Variants in DNAH14 observed in about 807,000 individuals in gnomAD.
DNAH14 encodes dynein axonemal heavy chain 14, also known as axonemal beta dynein heavy chain 14.
DNAH14 carries 478 observed loss-of-function variants against 520.9 expected under a neutral mutation model. That is an observed-to-expected ratio of 0.92 (90% CI 0.85 to 0.99). DNAH14 has a LOEUF of 0.99. Ranked by LOEUF, DNAH14 falls within the 50% of genes least tolerant of loss-of-function variation. The pLI is 0.00. For synonymous variants in DNAH14, 1,581 were observed against 1,757.2 expected (o/e 0.90, Z 2.51); for missense variants, 4,831 against 5,234.5 (o/e 0.92, Z 2.38).
Position 225,381,407 on chromosome 1 carries a change from T to A in DNAH14, c.12905T>A (p.Val4302Asp), listed in dbSNP as rs1308172611. Residue 4302 changes from valine (V) to aspartate (D), a missense_variant, in exon 81 of 86, where the codon GTC (valine) becomes GAC (aspartate). Val to Asp is a radical substitution (Grantham distance 152, BLOSUM62 -3). Transcript: ENST00000682510. ...GATCACGACCCCCTTATCCATTGTGTCTTGCTAACCTTTTTGAAGCAAGAA... is the reference window on the plus strand; with the variant it reads ...GATCACGACCCCCTTATCCATTGTGACTTGCTAACCTTTTTGAAGCAAGAA... ...LKDHDPLIHCVLLTFLKQEIK... is the reference protein window; with the variant it reads ...LKDHDPLIHCDLLTFLKQEIK... The A allele has an allele frequency of 3.9e-6, 6 of 1,549,530 alleles. No homozygotes were observed. Among genetic ancestry groups the A allele is most frequent in the Non-Finnish European group, 5.2e-6 (6 of 1,146,688 alleles).
chr1:225,134,390 G>A (rs973974512), intron 27 of DNAH14, among the ~76,000 whole-genome samples: 4 of 151,942 alleles, frequency 2.6e-5, no homozygotes, highest in African/African-American at 9.7e-5. Flanking sequence ...ATTATTTTGA[G>A]GAATGTTCCT....
At chr1:225,335,215 GTA>G (rs1237054283) in intron 66 of DNAH14, among the ~76,000 whole-genome samples, 1 of 138,286 alleles carries the variant, frequency 7.2e-6, no homozygotes, top group East Asian at 2.2e-4. Flanking sequence ...GTACATGTGT[GTA>G]TATATGCACA....
intron 23 of DNAH14, among the ~76,000 whole-genome samples, chr1:225,108,615 A>G (rs2076268605): frequency 6.6e-6 from 1 of 152,114 alleles, no homozygotes; most frequent in Non-Finnish European, 1.5e-5. Context: ...ATAGTTATTA[A>G]TCCCTTGTCA....
intron 40 of DNAH14, among the ~76,000 whole-genome samples, chr1:225,206,394 T>G (rs2087559067): frequency 1.3e-5 from 2 of 152,182 alleles, no homozygotes. Flanking sequence ...TCTTAGTAAT[T>G]GGAGTGTCAG....
intron 31 of DNAH14, 42 bp from the exon 32 acceptor site, chr1:225,151,963 A>T: frequency 1.4e-6 from 2 of 1,473,596 alleles, no homozygotes; most frequent in Non-Finnish European, 1.9e-6. Context: ...GCTTTGGACT[A>T]GAGAAAACAG....
intron 8 of DNAH14, among the ~76,000 whole-genome samples, chr1:224,992,286 T>G (rs957104504): frequency 6.6e-6 from 1 of 152,180 alleles, no homozygotes; most frequent in African/African-American, 2.4e-5. Context: ...ACATTAGTAT[T>G]TTGATGGCAA....
At chr1:225,203,081 C>T (rs2087073840) in intron 38 of DNAH14, among the ~76,000 whole-genome samples, 1 of 152,130 alleles carries the variant, frequency 6.6e-6, no homozygotes, top group African/African-American at 2.4e-5. Flanking sequence ...AGGAGCAATC[C>T]ACTTTCTTTA....
At chr1:225,160,416 A>G (rs1257073336) in intron 35 of DNAH14, among the ~76,000 whole-genome samples, 1 of 152,244 alleles carries the variant, frequency 6.6e-6, no homozygotes, top group Non-Finnish European at 1.5e-5. Flanking sequence ...CAACAAGCAC[A>G]GAATTCATAT....
At chr1:225,075,007 G>A (rs1351793628) in intron 17 of DNAH14, among the ~76,000 whole-genome samples, 1 of 152,216 alleles carries the variant, frequency 6.6e-6, no homozygotes, top group African/African-American at 2.4e-5. Context: ...CAGCATTGCA[G>A]TTACTTTTGC....
At chr1:225,207,304 A>AT in intron 41 of DNAH14, 84 bp downstream of exon 41, 1 of 1,359,038 alleles carries the variant, frequency 7.4e-7, no homozygotes, top group Non-Finnish European at 9.5e-7. Flanking sequence ...ATTTTAGAAA[A>AT]TTTTTCAAAG....
intron 8 of DNAH14, among the ~76,000 whole-genome samples, chr1:224,980,751 T>C (rs2062205946): frequency 1.3e-5 from 2 of 151,812 alleles, no homozygotes; most frequent in South Asian, 4.2e-4. Context: ...GATTGAAGAG[T>C]CTTAGGTCCT....
In DNAH14 at chr1:225,097,196, T is replaced by C. The variant is rs2075060535; in HGVS notation, c.3652T>C (p.Trp1218Arg). 1.3e-6 allele frequency: 2 copies of C among 1,550,632 alleles called. No individual in the cohort carries two copies. Among genetic ancestry groups the C allele is most frequent in the African/African-American group, 1.4e-5 (1 of 73,020 alleles). Residue 1218 changes from tryptophan (W) to arginine (R), a missense_variant, in exon 22 of 86, where the codon TGG becomes CGG. Physicochemically the swap from Trp to Arg is moderately radical, Grantham distance 101. Coordinates refer to ENST00000682510, the MANE Select transcript of DNAH14 (RefSeq NM_001367479.1). ...LEEWMNCQRN[W>R]LYLEPVFHSS... ...GGAATGGATGAATTGTCAAAGAAAT[T>C]GGCTTTATCTTGAACCAGTCTTTCA...
intron 17 of DNAH14, among the ~76,000 whole-genome samples, chr1:225,078,321 G>C (rs2072545746): frequency 6.6e-6 from 1 of 152,102 alleles, no homozygotes; most frequent in Non-Finnish European, 1.5e-5. Flanking sequence ...TCTGAATAAA[G>C]TATGATCATG....
At chr1:225,325,697 C>G (rs2094648487) in intron 64 of DNAH14, among the ~76,000 whole-genome samples, 1 of 152,170 alleles carries the variant, frequency 6.6e-6, no homozygotes, top group Admixed American at 6.5e-5. Flanking sequence ...TTCAGAGACG[C>G]AAACAGGCAA....
chr1:224,960,221 G>T lies in DNAH14; in HGVS notation c.286G>T (p.Gly96Trp). The T allele has an allele frequency of 6.2e-7, 1 of 1,611,584 alleles. No individual in the cohort carries two copies. Among genetic ancestry groups the T allele is most frequent in the Non-Finnish European group, 8.5e-7 (1 of 1,178,830 alleles). Residue 96 changes from glycine to tryptophan, a missense_variant, in exon 4 of 86, where the codon GGG (glycine) becomes TGG (tryptophan). Gly to Trp is a radical substitution (Grantham distance 184). Coordinates refer to ENST00000682510, the MANE Select transcript of DNAH14 (RefSeq NM_001367479.1). ...AGAGCCAGCTTCCCTTAAGGAGAAA[G>T]GGAAGTCAAGGAGAAAAAAGGATCA... ...SPEPASLKEKGKSRRKKDQTH... is the reference protein window; with the variant it reads ...SPEPASLKEKWKSRRKKDQTH...
At chr1:224,955,203 T>C (rs2060433470) in intron 3 of DNAH14, 105 bp downstream of exon 3, 6 of 1,216,286 alleles carry the variant, frequency 4.9e-6, no homozygotes, top group East Asian at 4.8e-5. Flanking sequence ...GTGAAACATA[T>C]TGAAATATTA....
rs1225656168 is a variant in DNAH14 at position 224,997,412 on chromosome 1, T to C, written c.831-5371T>C. ...GGGATCAAAGTGAGATAATTTCTCT[T>C]ATCCTTCAAAGGCAGGTTTTTTTTT... On this transcript the variant is annotated intron_variant, in intron 8 of 85. Transcript: ENST00000682510. Among the ~76,000 whole-genome samples the C allele has an allele frequency of 2.6e-5, 4 of 152,152 alleles. No individual in the cohort carries two copies. The East Asian group carries it at 7.7e-4, about 29-fold the overall frequency.
At chr1:225,227,092 G>A (rs2090609150) in intron 41 of DNAH14, among the ~76,000 whole-genome samples, 1 of 151,846 alleles carries the variant, frequency 6.6e-6, no homozygotes, top group Admixed American at 6.6e-5. Context: ...GGGATGAGCA[G>A]GAGACAGATG....
intron 66 of DNAH14, among the ~76,000 whole-genome samples, chr1:225,336,074 C>T (rs1018744616): frequency 7.3e-6 from 1 of 137,480 alleles, no homozygotes; most frequent in African/African-American, 2.9e-5. Flanking sequence ...TACATACATA[C>T]TTATATATAC....
Sources: allele counts gnomAD v4.1 joint callset (sites outside exome capture counted in the v4.1 genomes callset), GRCh38; gene constraint gnomAD v4.1.1; transcripts MANE v1.5; gene names NCBI Gene and HGNC (gene_info 2026-07-23, HGNC 2026-07-21).